Variants in CCDC88C observed in about 807,000 individuals in gnomAD.
The protein encoded by CCDC88C is protein Daple.
A neutral mutation model predicts 198.8 loss-of-function variants in CCDC88C; 131 were observed. The observed-to-expected ratio is 0.66, with a 90% CI of 0.57 to 0.76. CCDC88C has a LOEUF of 0.76. Ranked by LOEUF, CCDC88C falls within the 30% of genes least tolerant of loss-of-function variation. CCDC88C has a pLI of 0.00. For missense variants in CCDC88C, 2,553 were observed against 2,631.6 expected (o/e 0.97, Z 0.65); for synonymous variants, 1,166 against 1,114.7 (o/e 1.05, Z -0.92).
In CCDC88C at chr14:91,316,120, A is replaced by C. The variant is rs1203025465; in HGVS notation, c.1528-333T>G. Among the ~76,000 whole-genome samples, 4 of 152,280 alleles carry C rather than the reference A, an allele frequency of 2.6e-5. No individual in the cohort carries two copies. In the South Asian group the frequency reaches 8.3e-4, roughly 32 times the overall value. Reference sequence around the variant, plus strand: ...TGTCCTCCTGGAGACTTCCTGCCTCAGTTGGTGATGTCACCTGGCTGCTCA... The same window carrying C: ...TGTCCTCCTGGAGACTTCCTGCCTCCGTTGGTGATGTCACCTGGCTGCTCA... On this transcript the variant is annotated intron_variant, in intron 13 of 29. Transcript: ENST00000389857.
At chr14:91,300,609 G>A (rs966691083) in intron 20 of CCDC88C, among the ~76,000 whole-genome samples, 3 of 152,100 alleles carry the variant, frequency 2.0e-5, no homozygotes, top group African/African-American at 7.2e-5. Context: ...GCTCACCCAG[G>A]AGCTGCCAGG....
intron 3 of CCDC88C, among the ~76,000 whole-genome samples, chr14:91,407,601 G>A (rs980930053): frequency 1.3e-5 from 2 of 152,158 alleles, no homozygotes; most frequent in East Asian, 3.8e-4. Flanking sequence ...AGTGCACTGG[G>A]CTTCACCTGG....
Position 91,336,959 on chromosome 14 carries a change from T to C in CCDC88C, c.1050+1046A>G, listed in dbSNP as rs137903908. 3.6e-3 allele frequency among the ~76,000 whole-genome samples: 547 copies of C among 152,342 alleles called. 6 individuals are homozygous for C. The highest frequency in any genetic ancestry group is 0.012 in the African/African-American group (505 of 41,578). On this transcript the variant is annotated intron_variant, in intron 10 of 29. Transcript: ENST00000389857. Reference sequence around the variant, plus strand: ...GTGGCCTAAGAGGCCTTCTGGCTGGTAGGAGAGACGTTGGGATTATTTCTT... The same window carrying C: ...GTGGCCTAAGAGGCCTTCTGGCTGGCAGGAGAGACGTTGGGATTATTTCTT...
intron 19 of CCDC88C, 122 bp from the exon 20 acceptor site, chr14:91,304,100 A>G: frequency 8.8e-7 from 1 of 1,136,214 alleles, no homozygotes; most frequent in Non-Finnish European, 1.2e-6. Context: ...GAAGACCCAG[A>G]GGGTACCCAG....
intron 27 of CCDC88C, chr14:91,281,094 G>C: frequency 2.1e-6 from 1 of 469,858 alleles, no homozygotes; most frequent in South Asian, 1.6e-5. Flanking sequence ...ATACGCCTCA[G>C]AGCTACTATG....
intron 15 of CCDC88C, among the ~76,000 whole-genome samples, chr14:91,311,160 T>A (rs528753580): frequency 6.6e-6 from 1 of 151,886 alleles, no homozygotes; most frequent in East Asian, 1.9e-4. Context: ...CCCTGAAGGG[T>A]CCCCTGGACT....
intron 3 of CCDC88C, among the ~76,000 whole-genome samples, chr14:91,380,790 G>A (rs1247626260): frequency 6.6e-6 from 1 of 152,142 alleles, no homozygotes; most frequent in African/African-American, 2.4e-5. Flanking sequence ...GGAGACCATG[G>A]AGAGAGAACT....
At chr14:91,387,170 G>C (rs1885197235) in intron 3 of CCDC88C, among the ~76,000 whole-genome samples, 1 of 152,164 alleles carries the variant, frequency 6.6e-6, no homozygotes, top group South Asian at 2.1e-4. Context: ...TCTGGGAAAA[G>C]AAAATCAACC....
At chr14:91,323,433 A>C (rs1011608623) in intron 12 of CCDC88C, among the ~76,000 whole-genome samples, 1 of 152,226 alleles carries the variant, frequency 6.6e-6, no homozygotes, top group Non-Finnish European at 1.5e-5. Context: ...TTAAGAGGTT[A>C]AGTACTTGCC....
chr14:91,337,149 G>A (rs1301638855), intron 10 of CCDC88C, among the ~76,000 whole-genome samples: 1 of 152,204 alleles, frequency 6.6e-6, no homozygotes, highest in Non-Finnish European at 1.5e-5. Flanking sequence ...GTCAGGGTGA[G>A]TGGTCAAAGC....
At chr14:91,377,043 T>A (rs1884473200) in intron 3 of CCDC88C, among the ~76,000 whole-genome samples, 1 of 123,496 alleles carries the variant, frequency 8.1e-6, no homozygotes, top group Non-Finnish European at 1.6e-5. Flanking sequence ...CTGTGTCCAC[T>A]GAGACACTGG....
chr14:91,298,098 C>A (rs1891095440), intron 21 of CCDC88C, among the ~76,000 whole-genome samples: 1 of 152,194 alleles, frequency 6.6e-6, no homozygotes, highest in African/African-American at 2.4e-5. Context: ...TTGATTTGGA[C>A]ATAGACGTGT....
intron 2 of CCDC88C, 97 bp downstream of exon 2, chr14:91,416,641 C>G (rs1665067150): frequency 1.1e-6 from 1 of 882,568 alleles, no homozygotes; most frequent in African/African-American, 1.7e-5. Flanking sequence ...TACCCCCCAC[C>G]CCACACACAC....
rs781208557 is a variant in CCDC88C, at chr14:91,303,685, C to T, written c.3635+16G>A. ...CTCTACCCCTCCCCAGATCCCCTTC[C>T]TTCCCCAGGCCCTACCTCTCCCCGA... On this transcript the variant is annotated intron_variant, in intron 20 of 29. Coordinates refer to ENST00000389857, the MANE Select transcript of CCDC88C (RefSeq NM_001080414.4). The T allele has an allele frequency of 6.4e-7, 1 of 1,555,234 alleles. No homozygotes were observed. The highest frequency in any genetic ancestry group is 1.2e-5 in the South Asian group (1 of 84,416).
intron 3 of CCDC88C, among the ~76,000 whole-genome samples, chr14:91,368,922 C>T (rs1237006728): frequency 6.6e-6 from 1 of 152,234 alleles, no homozygotes; most frequent in African/African-American, 2.4e-5. Flanking sequence ...CCTCAGGCCC[C>T]GTTACCAGAA....
At chr14:91,392,296 A>G (rs1885554040) in intron 3 of CCDC88C, among the ~76,000 whole-genome samples, 1 of 152,146 alleles carries the variant, frequency 6.6e-6, no homozygotes, top group Non-Finnish European at 1.5e-5. Context: ...AACCCTGCCA[A>G]AACAAAACAA....
chr14:91,276,626 G>A (rs1889976735), intron 29 of CCDC88C, among the ~76,000 whole-genome samples: 1 of 152,212 alleles, frequency 6.6e-6, no homozygotes, highest in Admixed American at 6.5e-5. Flanking sequence ...CCCTAGTAAT[G>A]CAGGTCACAG....
At chr14:91,315,126 C>T (rs1352032837) in intron 14 of CCDC88C, among the ~76,000 whole-genome samples, 1 of 152,146 alleles carries the variant, frequency 6.6e-6, no homozygotes, top group Non-Finnish European at 1.5e-5. Context: ...AAGCCCTCCA[C>T]CTTTCTCCTG....
At chr14:91,312,634 G>A (rs535493943) in intron 15 of CCDC88C, among the ~76,000 whole-genome samples, 4 of 152,304 alleles carry the variant, frequency 2.6e-5, no homozygotes, top group South Asian at 4.1e-4. Context: ...GCAGTGAGCC[G>A]AGATCACGCA....
Sources: allele counts gnomAD v4.1 joint callset (sites outside exome capture counted in the v4.1 genomes callset), GRCh38; gene constraint gnomAD v4.1.1; transcripts MANE v1.5; gene names NCBI Gene and HGNC (gene_info 2026-07-23, HGNC 2026-07-21).